The following NCKAP5 variants were observed in gnomAD, a reference collection of about 807,000 sequenced individuals.
NCKAP5 encodes the protein nck-associated protein 5.
Under a neutral mutation model 167.0 loss-of-function variants are expected in NCKAP5, and 92 were observed. The ratio of observed to expected loss-of-function variants is 0.55; its 90% CI spans 0.47 to 0.66. The LOEUF is 0.66. Among genes scored for constraint, NCKAP5 ranks in the 30% least tolerant of loss-of-function variants. The probability of loss-of-function intolerance (pLI) is 0.00; values close to 1 mark genes in which losing one functional copy is unlikely to be tolerated. For missense variants in NCKAP5, 2,378 were observed against 2,315.0 expected (o/e 1.03, Z -0.56); for synonymous variants, 891 against 877.4 (o/e 1.02, Z -0.27).
chr2:132,931,401 T>C (rs1696366899), intron 8 of NCKAP5: 1 of 152,208 alleles, frequency 6.6e-6, no homozygotes, highest in South Asian at 2.1e-4. Flanking sequence ...TTCTACCATG[T>C]GGCTGCGCTG....
At chr2:132,790,334 C>A (rs1574227796) in intron 12 of NCKAP5, 129 bp from the exon 13 acceptor site, 2 of 790,738 alleles carry the variant, frequency 2.5e-6, no homozygotes, top group Non-Finnish European at 3.9e-6. Context: ...TCCTGATAAA[C>A]CCATGGTAAC....
chr2:133,399,525 G>C (rs1687968990), intron 3 of NCKAP5, among the ~76,000 whole-genome samples: 1 of 152,148 alleles, frequency 6.6e-6, no homozygotes, highest in African/African-American at 2.4e-5. Context: ...AAGCCAACTT[G>C]AGCATTTTGT....
At chr2:133,673,615 C>T in the NCKAP5 span, among the ~76,000 whole-genome samples, 2 of 152,202 alleles carry the variant, frequency 1.3e-5, no homozygotes, top group African/African-American at 4.8e-5. Flanking sequence ...TTCATTGACT[C>T]AGGACAAACT....
intron 15 of NCKAP5, 69 bp from the exon 16 acceptor site, chr2:132,773,963 A>G (rs531134184): frequency 2.3e-6 from 3 of 1,302,806 alleles, no homozygotes; most frequent in Non-Finnish European, 2.2e-6. Flanking sequence ...CAATCCTCAG[A>G]GTAATGGTAC....
chr2:133,534,623 T>A (rs926280410), intron 2 of NCKAP5, among the ~76,000 whole-genome samples: 1 of 152,190 alleles, frequency 6.6e-6, no homozygotes, highest in Non-Finnish European at 1.5e-5. Context: ...CCACTTCGCA[T>A]CATGTTTTCA....
At chr2:133,243,993 T>C (rs760371518) in intron 4 of NCKAP5, among the ~76,000 whole-genome samples, 50 of 152,324 alleles carry the variant, frequency 3.3e-4, no homozygotes, top group Non-Finnish European at 4.0e-4. Flanking sequence ...GCTCCCTCAA[T>C]AGGAAAATGG....
At chr2:132,894,449 T>C (rs1574546404) in intron 8 of NCKAP5, among the ~76,000 whole-genome samples, 1 of 152,358 alleles carries the variant, frequency 6.6e-6, no homozygotes, top group East Asian at 1.9e-4. Context: ...GACTTTTTTT[T>C]CTTTTCCTAC....
intron 9 of NCKAP5, among the ~76,000 whole-genome samples, chr2:132,876,676 T>C (rs1420912333): frequency 6.6e-6 from 1 of 152,202 alleles, no homozygotes; most frequent in Non-Finnish European, 1.5e-5. Flanking sequence ...AAAATATGTG[T>C]ATTGCTTAGA....
intron 19 of NCKAP5, among the ~76,000 whole-genome samples, chr2:132,707,259 T>C (rs534825211): frequency 7.4e-4 from 112 of 152,344 alleles, no homozygotes; most frequent in African/African-American, 2.6e-3. Context: ...TGCTGCACTG[T>C]CACAGCGGAA....
intron 4 of NCKAP5, among the ~76,000 whole-genome samples, chr2:133,231,902 C>T (rs1032163291): frequency 6.6e-6 from 1 of 152,056 alleles, no homozygotes; most frequent in African/African-American, 2.4e-5. Flanking sequence ...AGTCATTTTC[C>T]GAAATCCAGA....
intron 3 of NCKAP5, among the ~76,000 whole-genome samples, chr2:133,474,155 TACACACAC>T (rs1553649111): frequency 7.0e-6 from 1 of 142,566 alleles, no homozygotes; most frequent in Admixed American, 7.0e-5. Flanking sequence ...TATCTATCTA[TACACACAC>T]ACACACACAC....
At chr2:133,367,158 C>A (rs1235719526) in intron 3 of NCKAP5, among the ~76,000 whole-genome samples, 1 of 152,164 alleles carries the variant, frequency 6.6e-6, no homozygotes, top group Non-Finnish European at 1.5e-5. Context: ...AACAACAAAA[C>A]CCTTCCCAGC....
intron 3 of NCKAP5, chr2:133,381,380 T>C (rs1574840329): frequency 6.6e-6 from 1 of 152,218 alleles, no homozygotes; most frequent in Non-Finnish European, 1.5e-5. Flanking sequence ...CTGGACATGA[T>C]AAATAACCTG....
At chr2:132,825,125 T>C (rs1292281299) in intron 11 of NCKAP5, among the ~76,000 whole-genome samples, 1 of 152,206 alleles carries the variant, frequency 6.6e-6, no homozygotes, top group Non-Finnish European at 1.5e-5. Flanking sequence ...CAACTTTCTC[T>C]ACTTCAAGAG....
intron 7 of NCKAP5, among the ~76,000 whole-genome samples, chr2:132,967,220 C>T (rs1416255878): frequency 6.6e-6 from 1 of 151,872 alleles, no homozygotes; most frequent in Non-Finnish European, 1.5e-5. Context: ...CACATACACA[C>T]ACTCTTAAAG....
At position 133,192,900 on chromosome 2, in the gene NCKAP5, C is replaced by G. The variant is rs2085289018; in HGVS notation, c.207+20816G>C. On this transcript the variant is annotated intron_variant, in intron 5 of 19. Coordinates refer to ENST00000409261, the MANE Select transcript of NCKAP5 (RefSeq NM_207363.3). ...CACACTGCAATCCCTGGGAATTGAT[C>G]TCAGAGAAATGAAAACTTATGTTCG... 3.3e-5 allele frequency among the ~76,000 whole-genome samples: 5 copies of G among 152,028 alleles called. No individual in the cohort carries two copies. In the South Asian group the frequency reaches 1.0e-3, roughly 31 times the overall value.
chr2:132,673,419 C>A, intron 19 of NCKAP5, 114 bp from the exon 20 acceptor site: 2 of 822,822 alleles, frequency 2.4e-6, no homozygotes, highest in Non-Finnish European at 3.4e-6. Context: ...CAGAGAAAAC[C>A]TACAAGTCTT....
At chr2:133,490,982 C>A (rs1681388482) in intron 3 of NCKAP5, among the ~76,000 whole-genome samples, 2 of 152,064 alleles carry the variant, frequency 1.3e-5, no homozygotes, top group African/African-American at 4.8e-5. Flanking sequence ...TCCAAAAGAA[C>A]CAGAGGAAAC....
intron 16 of NCKAP5, among the ~76,000 whole-genome samples, chr2:132,738,336 C>T (rs9630919): frequency 0.19 from 29,071 of 152,150 alleles, 3,482 homozygotes; most frequent in Non-Finnish European, 0.28. Flanking sequence ...TGCCAGTACA[C>T]AGCATCACTG....
Sources: allele counts gnomAD v4.1 joint callset (sites outside exome capture counted in the v4.1 genomes callset), GRCh38; gene constraint gnomAD v4.1.1; transcripts MANE v1.5; gene names NCBI Gene and HGNC (gene_info 2026-07-23, HGNC 2026-07-21).